Variants in RAD9B observed in about 807,000 individuals in gnomAD.
RAD9B encodes cell cycle checkpoint control protein RAD9B.
Under a neutral mutation model 48.3 loss-of-function variants are expected in RAD9B, and 41 were observed. That is an observed-to-expected ratio of 0.85 (90% confidence interval 0.66 to 1.10). The LOEUF (loss-of-function observed/expected upper bound fraction) is 1.10, where lower values mean the gene tolerates loss of function less well. RAD9B is among the 50% of genes least tolerant of loss of function. The probability of loss-of-function intolerance (pLI) is 0.00; values close to 1 mark genes in which losing one functional copy is unlikely to be tolerated. For synonymous variants in RAD9B, 160 were observed against 157.9 expected, an observed-to-expected ratio of 1.01 and a Z score of -0.10; for missense variants, 444 against 485.1, an observed-to-expected ratio of 0.92 and a Z score of 0.80.
intron 6 of RAD9B, among the ~76,000 whole-genome samples, chr12:110,517,412 G>C (rs2063632458): frequency 1.3e-5 from 2 of 151,918 alleles, no homozygotes; most frequent in Non-Finnish European, 2.9e-5. Context: ...ATCACCTGAG[G>C]TCAGGGGTTT....
At chr12:110,521,497 C>G (rs1019908175) in intron 9 of RAD9B, among the ~76,000 whole-genome samples, 1 of 150,680 alleles carries the variant, frequency 6.6e-6, no homozygotes, top group Non-Finnish European at 1.5e-5. Context: ...AGAGCATATG[C>G]GGTTTTGGTA....
intron 10 of RAD9B, among the ~76,000 whole-genome samples, chr12:110,523,186 G>A (rs972107275): frequency 2.6e-5 from 4 of 152,014 alleles, no homozygotes; most frequent in African/African-American, 7.3e-5. Context: ...CTGTAACCCC[G>A]GCCCTTTAGA....
At position 110,530,623 on chromosome 12, in the gene RAD9B, C is replaced by T. The variant is rs142295516; in HGVS notation, c.1224C>T (p.Asp408=). The T allele has an allele frequency of 6.8e-6, 11 of 1,613,858 alleles. 1 individual carries two copies. The Admixed American group carries it at 8.3e-5, about 12-fold the overall frequency. ...CAAGAGCAAGTGACAGTGAAGAGGA[C>T]ATGAATAATGGCAGTTTCTCTATAT... is the stretch of plus-strand genomic sequence containing the variant. ...SLARASDSEE[D]MNNGSFSIF is the part of the protein sequence containing the mutation. Residue 408 remains aspartate (D), a synonymous_variant, in exon 11 of 11, where the codon GAC becomes GAT. Transcript: ENST00000409300.
At chr12:110,510,962 GAA>G (rs1395389892) in intron 4 of RAD9B, among the ~76,000 whole-genome samples, 3 of 151,338 alleles carry the variant, frequency 2.0e-5, no homozygotes, top group Non-Finnish European at 4.4e-5. Context: ...AAAAAAAAAA[GAA>G]AGAGAGAAAG....
At chr12:110,514,389 C>T (rs2063551597) in intron 5 of RAD9B, among the ~76,000 whole-genome samples, 1 of 152,122 alleles carries the variant, frequency 6.6e-6, no homozygotes, top group African/African-American at 2.4e-5. Context: ...ATAGTCATTT[C>T]TTCAAAGAAA....
intron 5 of RAD9B, 105 bp downstream of exon 5, chr12:110,512,983 TTA>T: frequency 3.3e-6 from 2 of 612,984 alleles, no homozygotes; most frequent in Non-Finnish European, 5.7e-6. Context: ...TTTTTTTTTT[TTA>T]TATGGAGTCT....
intron 1 of RAD9B, chr12:110,502,587 T>C: frequency 1.7e-6 from 1 of 599,518 alleles, no homozygotes; most frequent in Non-Finnish European, 3.0e-6. Context: ...TAGAGGCAGA[T>C]GTAATATGGG....
chr12:110,504,116 G>A (rs2063188168), intron 2 of RAD9B, among the ~76,000 whole-genome samples: 1 of 151,700 alleles, frequency 6.6e-6, no homozygotes, highest in Middle Eastern at 3.2e-3. Context: ...ACGGTCTGCA[G>A]GAATGTTTGT....
chr12:110,531,585 A>C lies in RAD9B; in HGVS notation c.*932A>C, dbSNP rs1265272818. 6.3e-7 allele frequency: 1 copy of C among 1,599,014 alleles called. No homozygotes were observed. The highest frequency in any genetic ancestry group is 8.5e-7 in the Non-Finnish European group (1 of 1,171,968). On this transcript the variant is annotated 3_prime_UTR_variant, in exon 11 of 11. Coordinates refer to ENST00000409300, the MANE Select transcript of RAD9B (RefSeq NM_001286535.2). Reference sequence around the variant, plus strand: ...TTTTTATTTTGCAGTGTGCTGCAGGAAAGAATTTAATGGAAGTGATGCCAA... The same window carrying C: ...TTTTTATTTTGCAGTGTGCTGCAGGCAAGAATTTAATGGAAGTGATGCCAA...
chr12:110,516,635 C>T (rs1455776245), intron 6 of RAD9B, among the ~76,000 whole-genome samples: 3 of 151,872 alleles, frequency 2.0e-5, no homozygotes, highest in Admixed American at 6.6e-5. Flanking sequence ...CATGGTGAAA[C>T]CCCGTCTCTA....
At chr12:110,504,609 C>T (rs184120610) in intron 2 of RAD9B, among the ~76,000 whole-genome samples, 10 of 152,206 alleles carry the variant, frequency 6.6e-5, no homozygotes, top group Admixed American at 5.9e-4. Flanking sequence ...ATGGTTTCCC[C>T]GCTTAGACAA....
At chr12:110,530,408 C>A in intron 10 of RAD9B, 117 bp from the exon 11 acceptor site, 2 of 919,654 alleles carry the variant, frequency 2.2e-6, no homozygotes, top group South Asian at 1.6e-5. Context: ...TGAACCATCA[C>A]CAGCAAAGAC....
rs562459990 is a variant in RAD9B, at chr12:110,531,552, G to A, written c.*899G>A. On this transcript the variant is annotated 3_prime_UTR_variant, in exon 11 of 11. Coordinates refer to ENST00000409300, the MANE Select transcript of RAD9B (RefSeq NM_001286535.2). ...TAACCTCAAATTGTTCTGATTTTCA[G>A]ATGTGATTTTTTATTTTGCAGTGTG... 2.7e-6 allele frequency: 4 copies of A among 1,478,324 alleles called. No individual in the cohort carries two copies. Among genetic ancestry groups the A allele is most frequent in the African/African-American group, 1.4e-5 (1 of 71,928 alleles). 91.6% of individuals were successfully genotyped at this position (1,478,324 alleles called of 1,614,324 possible).
intron 10 of RAD9B, among the ~76,000 whole-genome samples, chr12:110,525,120 G>A (rs1254630257): frequency 2.0e-5 from 3 of 151,822 alleles, no homozygotes; most frequent in African/African-American, 7.3e-5. Context: ...TGAGTAGCTG[G>A]GAATACAGGT....
Position 110,533,555 on chromosome 12 carries a change from T to C in RAD9B, c.*2902T>C, listed in dbSNP as rs2064188353. The C allele has an allele frequency of 6.6e-6, 1 of 152,188 alleles. No homozygotes were observed. 9.4% of individuals were successfully genotyped at this position (152,188 alleles called of 1,614,324 possible). On this transcript the variant is annotated 3_prime_UTR_variant, in exon 11 of 11. Coordinates refer to ENST00000409300, the MANE Select transcript of RAD9B (RefSeq NM_001286535.2). ...TAATTTTAAATAAATAGAATCCAAATATGTCCTGCTTCATGTTTTGTTTCA... is the reference window on the plus strand; with the variant it reads ...TAATTTTAAATAAATAGAATCCAAACATGTCCTGCTTCATGTTTTGTTTCA...
chr12:110,503,477 G>T (rs925022281), intron 1 of RAD9B: 22 of 221,348 alleles, frequency 9.9e-5, no homozygotes, highest in Non-Finnish European at 1.7e-4. Flanking sequence ...GTTTTTGGGG[G>T]GTCAAATACA....
Position 110,504,074 on chromosome 12 carries a change from G to C in RAD9B, c.117+198G>C, listed in dbSNP as rs145501284. On this transcript the variant is annotated intron_variant, in intron 2 of 10. Coordinates refer to ENST00000409300, the MANE Select transcript of RAD9B (RefSeq NM_001286535.2). ...AGATAAGCTTGATTGATTTAAACTG[G>C]AAGTCACAAACTGGTAGTTAAGAGA... Among the ~76,000 whole-genome samples the C allele has an allele frequency of 4.4e-3, 674 of 151,602 alleles. 6 individuals are homozygous for C. Among genetic ancestry groups the C allele is most frequent in the African/African-American group, 0.016 (647 of 41,354 alleles).
intron 4 of RAD9B, chr12:110,511,507 A>G (rs2063458034): frequency 2.2e-6 from 1 of 453,322 alleles, no homozygotes; most frequent in Non-Finnish European, 4.4e-6. Flanking sequence ...TGTTCTCACA[A>G]TGTGGACGCT....
rs752954074 is a variant in RAD9B, at chr12:110,530,675, G to C, written c.*22G>C. 1 of 1,613,036 alleles carries C rather than the reference G, an allele frequency of 6.2e-7. No homozygotes were observed. Among genetic ancestry groups the C allele is most frequent in the East Asian group, 2.2e-5 (1 of 44,866 alleles). ...CTAATGCTTAATGATGGCTGAGCTGGGCCCCAGCCCAGTGACTGGCTCATT... is the reference window on the plus strand; with the variant it reads ...CTAATGCTTAATGATGGCTGAGCTGCGCCCCAGCCCAGTGACTGGCTCATT... On this transcript the variant is annotated 3_prime_UTR_variant, in exon 11 of 11. Coordinates refer to ENST00000409300, the MANE Select transcript of RAD9B (RefSeq NM_001286535.2).
Sources: allele counts gnomAD v4.1 joint callset (sites outside exome capture counted in the v4.1 genomes callset), GRCh38; gene constraint gnomAD v4.1.1; transcripts MANE v1.5; gene names NCBI Gene and HGNC (gene_info 2026-07-23, HGNC 2026-07-21).